IFT80: variants seen among roughly 807,000 people sequenced by gnomAD.
IFT80 encodes intraflagellar transport protein 80 homolog.
Under a neutral mutation model 107.9 loss-of-function variants are expected in IFT80, and 79 were observed. That is an observed-to-expected ratio of 0.73 (90% CI 0.61 to 0.88). The LOEUF (loss-of-function observed/expected upper bound fraction) is 0.88, where lower values mean the gene tolerates loss of function less well. Ranked by LOEUF, IFT80 falls within the 40% of genes least tolerant of loss-of-function variation. IFT80 has a pLI of 0.00. For synonymous variants in IFT80, 299 were observed against 300.9 expected, an observed-to-expected ratio of 0.99 and a Z score of 0.07; for missense variants, 797 against 914.2, an observed-to-expected ratio of 0.87 and a Z score of 1.65.
At chr3:160,362,511 T>C (rs181120294) in intron 6 of IFT80, among the ~76,000 whole-genome samples, 2 of 152,270 alleles carry the variant, frequency 1.3e-5, no homozygotes, top group Admixed American at 1.3e-4. Flanking sequence ...CCTTCCTAAC[T>C]CATTTTATGA....
chr3:160,298,715 G>C (rs1482191646), intron 12 of IFT80, among the ~76,000 whole-genome samples: 1 of 152,144 alleles, frequency 6.6e-6, no homozygotes, highest in Non-Finnish European at 1.5e-5. Flanking sequence ...ACATCATGGA[G>C]GGTACTTATA....
At chr3:160,367,497 T>C (rs1003812588) in intron 5 of IFT80, among the ~76,000 whole-genome samples, 1 of 152,072 alleles carries the variant, frequency 6.6e-6, no homozygotes, top group Non-Finnish European at 1.5e-5. Context: ...AACAATCTAA[T>C]AACCTCCCAC....
At chr3:160,340,205 T>C (rs1397332709) in intron 8 of IFT80, among the ~76,000 whole-genome samples, 1 of 152,194 alleles carries the variant, frequency 6.6e-6, no homozygotes, top group Non-Finnish European at 1.5e-5. Context: ...GAGATAATTT[T>C]TTTTATCAGT....
chr3:160,376,144 T>C (rs1712004534), intron 4 of IFT80, among the ~76,000 whole-genome samples: 1 of 152,212 alleles, frequency 6.6e-6, no homozygotes, highest in Non-Finnish European at 1.5e-5. Flanking sequence ...TTTATTTCCT[T>C]CAATCTTAGA....
intron 4 of IFT80, among the ~76,000 whole-genome samples, chr3:160,376,297 T>TA (rs1476519570): frequency 6.6e-6 from 1 of 152,168 alleles, no homozygotes; most frequent in Non-Finnish European, 1.5e-5. Context: ...AGTGAGGTAA[T>TA]AGACTACTCT....
At position 160,336,459 on chromosome 3, in the gene IFT80, GAA is replaced by G. The variant is rs143823192; in HGVS notation, c.778-16522_778-16521del. Among the ~76,000 whole-genome samples the G allele has an allele frequency of 7.0e-3, 1,059 of 152,054 alleles. 11 individuals are homozygous for G. Among genetic ancestry groups the G allele is most frequent in the African/African-American group, 0.024 (990 of 41,482 alleles). ...AATGATTCCAAAGCTGAATTTACAAGAAAAAATATACAAAATATAGTCAAATA... is the reference window on the plus strand; with the variant it reads ...AATGATTCCAAAGCTGAATTTACAAGAAAATATACAAAATATAGTCAAATA... On this transcript the variant is annotated intron_variant, in intron 8 of 19. Coordinates refer to ENST00000326448, the MANE Select transcript of IFT80 (RefSeq NM_020800.3).
chr3:160,293,726 T>A (rs567353252), intron 12 of IFT80, among the ~76,000 whole-genome samples: 1 of 152,276 alleles, frequency 6.6e-6, no homozygotes, highest in East Asian at 1.9e-4. Context: ...TAGCGGTTGG[T>A]CACCAGAAAG....
chr3:160,352,456 C>T (rs568204964), intron 8 of IFT80, among the ~76,000 whole-genome samples: 1 of 152,206 alleles, frequency 6.6e-6, no homozygotes, highest in Non-Finnish European at 1.5e-5. Context: ...ATTTTTTCTA[C>T]AGTAGACTAA....
In IFT80 at chr3:160,373,146, G is replaced by A. The variant is rs1050891565; in HGVS notation, c.439+2666C>T. On this transcript the variant is annotated intron_variant, in intron 5 of 19. Coordinates refer to ENST00000326448, the MANE Select transcript of IFT80 (RefSeq NM_020800.3). ...TGGTCTCAAATTCCTGAGCTCAAGT[G>A]ATCCACCCATCTTGGCCTCCTGAAG... Among the ~76,000 whole-genome samples, 3 of 152,114 alleles carry A rather than the reference G, an allele frequency of 2.0e-5. No individual in the cohort carries two copies. In the East Asian group the frequency reaches 5.8e-4, roughly 29 times the overall value.
At chr3:160,366,447 C>T (rs541064612) in intron 5 of IFT80, among the ~76,000 whole-genome samples, 32 of 151,942 alleles carry the variant, frequency 2.1e-4, no homozygotes, top group Admixed American at 5.9e-4. Flanking sequence ...TATTGAAATA[C>T]ATAAGATAAA....
At chr3:160,365,921 C>G in intron 6 of IFT80, 122 bp downstream of exon 6, 1 of 758,378 alleles carries the variant, frequency 1.3e-6, no homozygotes, top group East Asian at 2.5e-5. Context: ...GCTGATTAAA[C>G]CATGTACTTA....
chr3:160,361,123 C>G (rs1721460273), intron 6 of IFT80, among the ~76,000 whole-genome samples: 1 of 152,162 alleles, frequency 6.6e-6, no homozygotes, highest in Non-Finnish European at 1.5e-5. Flanking sequence ...GTGCTGTATT[C>G]AGGAGAACCA....
At chr3:160,295,764 T>A (rs1378201030) in intron 12 of IFT80, among the ~76,000 whole-genome samples, 2 of 152,180 alleles carry the variant, frequency 1.3e-5, no homozygotes, top group Non-Finnish European at 2.9e-5. Context: ...CATTGACAGA[T>A]GAACAGATAA....
chr3:160,333,180 A>G (rs995190491), intron 8 of IFT80, among the ~76,000 whole-genome samples: 3 of 152,202 alleles, frequency 2.0e-5, no homozygotes, highest in African/African-American at 4.8e-5. Context: ...AAAAAATGGT[A>G]TAACTGTACG....
In IFT80 at chr3:160,381,478, C is replaced by T. The variant is rs776188362; in HGVS notation, c.259+25G>A. 6 of 1,508,150 alleles carry T rather than the reference C, an allele frequency of 4.0e-6. No individual in the cohort carries two copies. In the Admixed American group the frequency reaches 1.0e-4, roughly 25 times the overall value. The allele number at this position is 1,508,150 out of a possible 1,614,324, so 93.4% of individuals were successfully genotyped here. ...TAAGTCTTTTAAATACAATGGCGAG[C>T]ATATAATGTTTATTTAAAACTTACC... On this transcript the variant is annotated intron_variant, in intron 3 of 19. Coordinates refer to ENST00000326448, the MANE Select transcript of IFT80 (RefSeq NM_020800.3).
At chr3:160,281,736 G>A (rs750202922) in intron 14 of IFT80, among the ~76,000 whole-genome samples, 27 of 152,246 alleles carry the variant, frequency 1.8e-4, no homozygotes, top group Non-Finnish European at 3.4e-4. Flanking sequence ...AGGGAAAAAC[G>A]CCTCAAGTGA....
intron 19 of IFT80, among the ~76,000 whole-genome samples, chr3:160,261,940 C>T (rs974799783): frequency 1.3e-5 from 2 of 152,138 alleles, no homozygotes; most frequent in Non-Finnish European, 2.9e-5. Flanking sequence ...GACCACTGCT[C>T]TTTGAAAAAT....
intron 18 of IFT80, among the ~76,000 whole-genome samples, 159 bp downstream of exon 18, chr3:160,277,146 GA>G (rs1714329257): frequency 6.6e-6 from 1 of 152,148 alleles, no homozygotes; most frequent in Admixed American, 6.6e-5. Context: ...GTTCAGAGAA[GA>G]AATAAATTGT....
At chr3:160,282,742 G>A (rs1714786162) in intron 13 of IFT80, 129 bp from the exon 14 acceptor site, 3 of 656,362 alleles carry the variant, frequency 4.6e-6, no homozygotes, top group Admixed American at 2.9e-5. Flanking sequence ...ATGATAAAAT[G>A]TCCCTGTTAA....
Sources: allele counts gnomAD v4.1 joint callset (sites outside exome capture counted in the v4.1 genomes callset), GRCh38; gene constraint gnomAD v4.1.1; transcripts MANE v1.5; gene names NCBI Gene and HGNC (gene_info 2026-07-23, HGNC 2026-07-21).